Variants in PARD3B observed in about 807,000 individuals in gnomAD.
PARD3B encodes the protein partitioning defective 3 homolog B.
Under a neutral mutation model 130.2 loss-of-function variants are expected in PARD3B, and 103 were observed. That is an observed-to-expected ratio of 0.79 (90% CI 0.67 to 0.93). The LOEUF is 0.93. Ranked by LOEUF, PARD3B falls within the 40% of genes least tolerant of loss-of-function variation. PARD3B has a pLI of 0.00. For missense variants in PARD3B, 1,609 were observed against 1,499.2 expected, an observed-to-expected ratio of 1.07 and a Z score of -1.21; for synonymous variants, 583 against 553.2, an observed-to-expected ratio of 1.05 and a Z score of -0.76.
chr2:205,510,911 G>A (rs181611814), intron 21 of PARD3B, among the ~76,000 whole-genome samples: 32 of 152,102 alleles, frequency 2.1e-4, no homozygotes, highest in Non-Finnish European at 4.0e-4. Context: ...CAGTTTTATA[G>A]ATGAGAAAAC....
intron 2 of PARD3B, among the ~76,000 whole-genome samples, chr2:204,720,416 A>C (rs140533027): frequency 6.6e-6 from 1 of 152,318 alleles, no homozygotes; most frequent in African/African-American, 2.4e-5. Flanking sequence ...GATAAAATAG[A>C]CCCAACTTAA....
At chr2:204,889,885 A>T (rs907054996) in intron 2 of PARD3B, among the ~76,000 whole-genome samples, 3 of 152,176 alleles carry the variant, frequency 2.0e-5, no homozygotes, top group Admixed American at 2.0e-4. Flanking sequence ...TTTTCCGTGA[A>T]ATAACAAACT....
chr2:205,030,313 A>G (rs1186465023), intron 3 of PARD3B, among the ~76,000 whole-genome samples: 3 of 152,186 alleles, frequency 2.0e-5, no homozygotes, highest in Non-Finnish European at 4.4e-5. Context: ...CCAAGCGACA[A>G]CCAATTAAAA....
chr2:205,031,303 C>A (rs1485446161), intron 3 of PARD3B, among the ~76,000 whole-genome samples: 1 of 152,192 alleles, frequency 6.6e-6, no homozygotes, highest in Admixed American at 6.5e-5. Context: ...TAGACAAGCA[C>A]AGCACAAAGA....
At chr2:204,574,135 G>A (rs938016875) in intron 1 of PARD3B, among the ~76,000 whole-genome samples, 1 of 152,132 alleles carries the variant, frequency 6.6e-6, no homozygotes, top group Non-Finnish European at 1.5e-5. Context: ...TGTTTGTTTA[G>A]TTATTGTGTA....
intron 15 of PARD3B, among the ~76,000 whole-genome samples, chr2:205,227,054 AG>A (rs201318017): frequency 6.8e-6 from 1 of 148,076 alleles, no homozygotes; most frequent in South Asian, 2.1e-4. Flanking sequence ...ATATAATTTC[AG>A]GGTTTTTTTT....
At position 205,046,082 on chromosome 2, in the gene PARD3B, T is replaced by G. The variant is rs73054992; in HGVS notation, c.395-1499T>G. On this transcript the variant is annotated intron_variant, in intron 3 of 22. Coordinates refer to ENST00000406610, the MANE Select transcript of PARD3B (RefSeq NM_001302769.2). ...TAAAGATAATGAGTTCCTTTGAGGATATTGCATTTAGACTGACTTGTTCAT... is the reference window on the plus strand; with the variant it reads ...TAAAGATAATGAGTTCCTTTGAGGAGATTGCATTTAGACTGACTTGTTCAT... Among the ~76,000 whole-genome samples, 989 of 152,266 alleles carry G rather than the reference T, an allele frequency of 6.5e-3. 15 individuals carry two copies. The highest frequency in any genetic ancestry group is 0.023 in the African/African-American group (951 of 41,560).
At chr2:205,355,445 A>C (rs999449348) in intron 18 of PARD3B, among the ~76,000 whole-genome samples, 2 of 152,232 alleles carry the variant, frequency 1.3e-5, no homozygotes, top group Non-Finnish European at 2.9e-5. Flanking sequence ...ATTATTTTTC[A>C]TATCTTTATG....
chr2:205,504,212 C>G (rs1012141646), intron 21 of PARD3B, among the ~76,000 whole-genome samples: 6 of 152,108 alleles, frequency 3.9e-5, no homozygotes, highest in Non-Finnish European at 1.5e-5. Context: ...GAAAATGGAT[C>G]CCTTCCTTAC....
At chr2:205,037,739 C>G (rs1386145344) in intron 3 of PARD3B, among the ~76,000 whole-genome samples, 1 of 151,600 alleles carries the variant, frequency 6.6e-6, no homozygotes, top group East Asian at 1.9e-4. Context: ...CAAAAATACT[C>G]TGGGCCACTT....
At position 205,193,212 on chromosome 2, in the gene PARD3B, G is replaced by T; in HGVS notation, c.2032G>T (p.Val678Leu). ...TATGGCTTCCTTCCACAGCTCTGGG[G>T]TGGATTCAGCAGTATATTTTCCAGA... The part of the protein sequence containing the change: ...GLEDYSHSSG[V>L]DSAVYFPDQH... The change falls in exon 15 of 23, where the codon GTG becomes TTG. Residue 678 changes from valine (V) to leucine (L), a missense_variant. Transcript: ENST00000406610. The T allele has an allele frequency of 6.2e-7, 1 of 1,604,894 alleles. No individual in the cohort carries two copies. Among genetic ancestry groups the T allele is most frequent in the Non-Finnish European group, 8.5e-7 (1 of 1,171,664 alleles).
At position 204,610,142 on chromosome 2, in the gene PARD3B, A is replaced by G. The variant is rs962905587; in HGVS notation, c.120+64023A>G. Among the ~76,000 whole-genome samples the G allele has an allele frequency of 6.6e-6, 1 of 151,654 alleles. No homozygotes were observed. The highest frequency in any genetic ancestry group is 1.5e-5 in the Non-Finnish European group (1 of 67,906). On this transcript the variant is annotated intron_variant, in intron 1 of 22. Coordinates refer to ENST00000406610, the MANE Select transcript of PARD3B (RefSeq NM_001302769.2). The surrounding 1 kb of genome is among the most constrained non-coding windows in gnomAD (Gnocchi z 4.1). ...GAAGAGGTTTAAGGAGGTTTGTCCC[A>G]CCTCCCTTCCCATCGTGGCTGGAAA...
At chr2:205,087,143 A>G (rs1055755844) in intron 4 of PARD3B, among the ~76,000 whole-genome samples, 1 of 152,186 alleles carries the variant, frequency 6.6e-6, no homozygotes, top group African/African-American at 2.4e-5. Context: ...ATACAAACAA[A>G]AGACAGGCGT....
chr2:205,551,848 C>T (rs2052659393), intron 21 of PARD3B, among the ~76,000 whole-genome samples: 1 of 152,122 alleles, frequency 6.6e-6, no homozygotes, highest in Admixed American at 6.5e-5. Flanking sequence ...TAGTTCCTTC[C>T]TGTGCTTACT....
intron 3 of PARD3B, among the ~76,000 whole-genome samples, chr2:205,042,573 A>G (rs1559381269): frequency 6.6e-6 from 1 of 152,004 alleles, no homozygotes; most frequent in Non-Finnish European, 1.5e-5. Flanking sequence ...TGCATCTAGT[A>G]GCTTTCTCTT....
At chr2:205,088,283 T>G (rs751653415) in intron 4 of PARD3B, among the ~76,000 whole-genome samples, 30 of 152,138 alleles carry the variant, frequency 2.0e-4, no homozygotes, top group Non-Finnish European at 3.7e-4. Context: ...GGATTAAAAT[T>G]TGACAGAGTT....
intron 4 of PARD3B, among the ~76,000 whole-genome samples, chr2:205,075,246 C>T (rs1400787554): frequency 1.3e-5 from 2 of 152,080 alleles, no homozygotes. Flanking sequence ...TTGAGAGCTT[C>T]CCGAAAGTTA....
At chr2:205,457,449 A>C (rs947797479) in intron 20 of PARD3B, among the ~76,000 whole-genome samples, 1 of 152,004 alleles carries the variant, frequency 6.6e-6, no homozygotes, top group Non-Finnish European at 1.5e-5. Context: ...AAATCTACAG[A>C]TGTTTTGAGC....
chr2:204,720,618 C>T (rs961932778), intron 2 of PARD3B, among the ~76,000 whole-genome samples: 1 of 151,876 alleles, frequency 6.6e-6, no homozygotes, highest in African/African-American at 2.4e-5. Flanking sequence ...AAGACAAAAG[C>T]AAAAGGGAAA....
Sources: allele counts gnomAD v4.1 joint callset (sites outside exome capture counted in the v4.1 genomes callset), GRCh38; gene constraint gnomAD v4.1.1; non-coding constraint Gnocchi (gnomAD v3.1); transcripts MANE v1.5; gene names NCBI Gene and HGNC (gene_info 2026-07-23, HGNC 2026-07-21).